Variants in TOX observed in about 807,000 individuals in gnomAD.
TOX encodes the protein thymocyte selection-associated high mobility group box protein TOX.
A neutral mutation model predicts 53.7 loss-of-function variants in TOX; 11 were observed. The ratio of observed to expected loss-of-function variants is 0.20; its 90% CI spans 0.13 to 0.34. The LOEUF is 0.34. TOX is among the 10% of genes least tolerant of loss of function. TOX has a pLI of 1.00. For synonymous variants in TOX, 225 were observed against 245.3 expected, an observed-to-expected ratio of 0.92 and a Z score of 0.77; for missense variants, 570 against 664.6, an observed-to-expected ratio of 0.86 and a Z score of 1.56.
intron 6 of TOX, among the ~76,000 whole-genome samples, chr8:58,817,523 C>T (rs552725010): frequency 6.6e-6 from 1 of 152,232 alleles, no homozygotes; most frequent in African/African-American, 2.4e-5. Context: ...ACAGTGACTA[C>T]TTCCACATCA....
chr8:59,100,028 C>A (rs1804778598), intron 1 of TOX, among the ~76,000 whole-genome samples: 1 of 151,830 alleles, frequency 6.6e-6, no homozygotes, highest in African/African-American at 2.4e-5. Context: ...AGTAGAATTG[C>A]ATCTTTTTTT....
At chr8:58,998,525 A>AAAAATT (rs1563413434) in intron 1 of TOX, among the ~76,000 whole-genome samples, 2 of 58,810 alleles carry the variant, frequency 3.4e-5, no homozygotes, top group African/African-American at 1.5e-4. Context: ...ATATATATAT[A>AAAAATT]TATATATATA....
chr8:59,015,797 T>C lies in TOX; in HGVS notation c.103-55789A>G, dbSNP rs555231463. On this transcript the variant is annotated intron_variant, in intron 1 of 8. Coordinates refer to ENST00000361421, the MANE Select transcript of TOX (RefSeq NM_014729.3). ...AAATCAGCTCTTTTAATGTAACACA[T>C]ACAGTGATAATGTGCTCATAGAAGT... is the stretch of plus-strand genomic sequence containing the variant. Among the ~76,000 whole-genome samples the C allele has an allele frequency of 4.6e-5, 7 of 152,334 alleles. No individual in the cohort carries two copies. The South Asian group carries it at 1.2e-3, about 27-fold the overall frequency.
rs1206250994 is a variant in TOX at position 58,838,251 on chromosome 8, T to C, written c.754A>G (p.Lys252Glu). The change falls in exon 5 of 9, where the codon AAG becomes GAG. Residue 252 changes from lysine (K) to glutamate (E), a missense_variant. By Grantham distance (56) the Lys-to-Glu change is moderately conservative (BLOSUM62 1). This residue lies in a region of TOX where 282 missense variants were observed against 315.0 expected (regional missense o/e 0.90). Coordinates refer to ENST00000361421, the MANE Select transcript of TOX (RefSeq NM_014729.3). ...TCATTGGGATCCTTCTTCTTCTTCT[T>C]TTTGGGAGTTTTTGGTTTTTTCCCC... ...DMGKKPKTPK[K>E]KKKKDPNEPQ... 6.2e-7 allele frequency: 1 copy of C among 1,614,140 alleles called. No homozygotes were observed. The highest frequency in any genetic ancestry group is 1.1e-5 in the South Asian group (1 of 91,082).
chr8:59,102,970 G>A (rs1006716447), intron 1 of TOX, among the ~76,000 whole-genome samples: 1 of 152,034 alleles, frequency 6.6e-6, no homozygotes, highest in East Asian at 1.9e-4. Flanking sequence ...TTCATGTTAG[G>A]TTTTCTATTA....
intron 1 of TOX, among the ~76,000 whole-genome samples, chr8:59,002,205 C>G (rs1813701834): frequency 6.7e-6 from 1 of 148,268 alleles, no homozygotes; most frequent in African/African-American, 2.5e-5. Context: ...AACTCCTGAC[C>G]TAGGGTGATC....
At chr8:59,065,782 T>C (rs906993638) in intron 1 of TOX, among the ~76,000 whole-genome samples, 3 of 152,196 alleles carry the variant, frequency 2.0e-5, no homozygotes, top group Non-Finnish European at 4.4e-5. Flanking sequence ...TGTTCCAAAC[T>C]AAGATTCTTT....
At chr8:59,092,865 C>A (rs918136038) in intron 1 of TOX, among the ~76,000 whole-genome samples, 2 of 152,274 alleles carry the variant, frequency 1.3e-5, no homozygotes, top group East Asian at 1.9e-4. Context: ...TCCTAACCAC[C>A]TTTACCTCCC....
At chr8:58,939,582 A>T in intron 2 of TOX, 38 bp from the exon 3 acceptor site, 2 of 1,575,458 alleles carry the variant, frequency 1.3e-6, no homozygotes, top group Non-Finnish European at 1.7e-6. Flanking sequence ...GCAAATTATC[A>T]TCTTCTTGCT....
intron 2 of TOX, among the ~76,000 whole-genome samples, chr8:58,959,094 T>G (rs1812756971): frequency 6.6e-6 from 1 of 152,210 alleles, no homozygotes; most frequent in Admixed American, 6.5e-5. Context: ...TACCATGGTT[T>G]TTACCATTCT....
At chr8:58,832,164 AATATATGTAAT>A (rs1199210738) in intron 5 of TOX, among the ~76,000 whole-genome samples, 44 of 115,040 alleles carry the variant, frequency 3.8e-4, no homozygotes, top group Admixed American at 2.2e-3. Flanking sequence ...TAATATATGT[AATATATGTAAT>A]ATATATATAA....
In TOX at chr8:58,938,985, C is replaced by T. The variant is rs143636693; in HGVS notation, c.411+317G>A. Among the ~76,000 whole-genome samples the T allele has an allele frequency of 1.1e-4, 17 of 152,296 alleles. 1 individual carries two copies. Among genetic ancestry groups the T allele is most frequent in the African/African-American group, 9.6e-5 (4 of 41,576 alleles). On this transcript the variant is annotated intron_variant, in intron 3 of 8. Transcript: ENST00000361421. The stretch of plus-strand genomic sequence containing the variant: ...GAATCCTCCACTGGATGAGAGGTGG[C>T]ATCTTTCAAGATGACTTTTTCTCTG...
At chr8:58,960,666 T>C (rs1812783366) in intron 1 of TOX, among the ~76,000 whole-genome samples, 2 of 152,204 alleles carry the variant, frequency 1.3e-5, no homozygotes, top group African/African-American at 4.8e-5. Context: ...TGCATAGAAA[T>C]TCATACGCAA....
chr8:58,931,810 C>T (rs909610803), intron 3 of TOX, among the ~76,000 whole-genome samples: 1 of 152,090 alleles, frequency 6.6e-6, no homozygotes, highest in African/African-American at 2.4e-5. Flanking sequence ...ATGGGTGAGG[C>T]ACACATTTGT....
chr8:59,101,497 T>A lies in TOX; in HGVS notation c.102+17389A>T, dbSNP rs1400391097. Among the ~76,000 whole-genome samples, 8 of 152,232 alleles carry A rather than the reference T, an allele frequency of 5.3e-5. No individual in the cohort carries two copies. In the East Asian group the frequency reaches 1.5e-3, roughly 29 times the overall value. Reference sequence around the variant, plus strand: ...TCATTAATTTTTCATTTTATTTTAATGAGACCTTGAGAATAAATGTACATA... The same window carrying A: ...TCATTAATTTTTCATTTTATTTTAAAGAGACCTTGAGAATAAATGTACATA... On this transcript the variant is annotated intron_variant, in intron 1 of 8. Coordinates refer to ENST00000361421, the MANE Select transcript of TOX (RefSeq NM_014729.3).
chr8:58,875,216 C>T (rs925905536), intron 3 of TOX, among the ~76,000 whole-genome samples: 6 of 152,172 alleles, frequency 3.9e-5, no homozygotes, highest in African/African-American at 9.7e-5. Flanking sequence ...ATTTTTATTA[C>T]AGCTTACTTT....
chr8:58,860,553 C>T (rs1020133259), intron 3 of TOX, among the ~76,000 whole-genome samples: 2 of 152,338 alleles, frequency 1.3e-5, no homozygotes, highest in East Asian at 3.9e-4. Flanking sequence ...GGTTGCTGCT[C>T]ACGCTGATGG....
chr8:59,067,770 G>A (rs1804121487), intron 1 of TOX, among the ~76,000 whole-genome samples: 2 of 151,452 alleles, frequency 1.3e-5, no homozygotes, highest in Non-Finnish European at 2.9e-5. Flanking sequence ...ACTGGGTCAC[G>A]AGGTTAAAAA....
intron 1 of TOX, among the ~76,000 whole-genome samples, chr8:59,103,194 A>G (rs1804836760): frequency 6.6e-6 from 1 of 152,202 alleles, no homozygotes; most frequent in Non-Finnish European, 1.5e-5. Flanking sequence ...AGTTTAGACT[A>G]AGATAAAATA....
Sources: allele counts gnomAD v4.1 joint callset (sites outside exome capture counted in the v4.1 genomes callset), GRCh38; gene constraint gnomAD v4.1.1; regional missense constraint gnomAD v4.1.1; transcripts MANE v1.5; gene names NCBI Gene and HGNC (gene_info 2026-07-23, HGNC 2026-07-21).